Variants in TNIK observed in about 807,000 individuals in gnomAD.
The protein encoded by TNIK is TRAF2 and NCK interacting kinase.
In TNIK, 49 loss-of-function variants were observed where a neutral mutation model predicts 191.3. The ratio of observed to expected loss-of-function variants is 0.26; its 90% CI spans 0.20 to 0.32. The LOEUF is 0.32. Among genes scored for constraint, TNIK ranks in the 10% least tolerant of loss-of-function variants. The pLI is 1.00. For missense variants in TNIK, 1,155 were observed against 1,702.3 expected, an observed-to-expected ratio of 0.68 and a Z score of 5.66; for synonymous variants, 594 against 600.9, an observed-to-expected ratio of 0.99 and a Z score of 0.17.
intron 1 of TNIK, among the ~76,000 whole-genome samples, chr3:171,410,623 C>T (rs7621252): frequency 0.14 from 21,659 of 151,648 alleles, 1,720 homozygotes; most frequent in South Asian, 0.3. Context: ...ACTAAAAATA[C>T]AAAAAATTGG....
chr3:171,223,608 A>C (rs1742621662), intron 3 of TNIK, among the ~76,000 whole-genome samples: 1 of 152,184 alleles, frequency 6.6e-6, no homozygotes, highest in Admixed American at 6.6e-5. Flanking sequence ...ACATTGAGCA[A>C]GATACTTAAA....
chr3:171,288,354 T>G (rs1454424543), intron 2 of TNIK, among the ~76,000 whole-genome samples: 1 of 150,716 alleles, frequency 6.6e-6, no homozygotes, highest in African/African-American at 2.4e-5. Context: ...TTGGGTGGAA[T>G]GATCAGTTGA....
At chr3:171,295,375 T>C (rs1354105268) in intron 2 of TNIK, among the ~76,000 whole-genome samples, 1 of 152,204 alleles carries the variant, frequency 6.6e-6, no homozygotes, top group African/African-American at 2.4e-5. Flanking sequence ...GATCCCATGG[T>C]CAGGCCCCTC....
chr3:171,391,923 T>C lies in TNIK; in HGVS notation c.58-22238A>G, dbSNP rs115497363. On this transcript the variant is annotated intron_variant, in intron 1 of 32. Transcript: ENST00000436636. ...TCTGTTTTCTGTCACAAGACACCTG[T>C]AGGACAATTTTTTTTGATGACCATA... Among the ~76,000 whole-genome samples, 628 of 152,258 alleles carry C rather than the reference T, an allele frequency of 4.1e-3. 5 individuals carry two copies. The highest frequency in any genetic ancestry group is 0.015 in the African/African-American group (605 of 41,564).
intron 2 of TNIK, among the ~76,000 whole-genome samples, chr3:171,235,254 C>T (rs1311142154): frequency 6.6e-6 from 1 of 152,172 alleles, no homozygotes; most frequent in Non-Finnish European, 1.5e-5. Context: ...GTTGGCCAGG[C>T]TGGTCTTGAA....
chr3:171,277,086 G>A (rs1749836888), intron 2 of TNIK, among the ~76,000 whole-genome samples: 1 of 152,128 alleles, frequency 6.6e-6, no homozygotes, highest in Non-Finnish European at 1.5e-5. Context: ...TTATTTCAGG[G>A]GTGGGTGACA....
At chr3:171,390,406 G>C (rs780942044) in intron 1 of TNIK, among the ~76,000 whole-genome samples, 1 of 152,170 alleles carries the variant, frequency 6.6e-6, no homozygotes, top group Non-Finnish European at 1.5e-5. Flanking sequence ...GCCTCTTTTT[G>C]TACCTCTGGT....
Position 171,338,772 on chromosome 3 carries a change from G to A in TNIK, c.123+30848C>T, listed in dbSNP as rs181615674. ...CTTGCCTTGGCCTCCCAAAGTGCCG[G>A]GATTACAGGTATCAACCACCATGCC... On this transcript the variant is annotated intron_variant, in intron 2 of 32. Coordinates refer to ENST00000436636, the MANE Select transcript of TNIK (RefSeq NM_015028.4). Among the ~76,000 whole-genome samples the A allele has an allele frequency of 8.6e-5, 13 of 151,958 alleles. No homozygotes were observed. In the East Asian group the frequency reaches 2.1e-3, roughly 25 times the overall value.
chr3:171,081,126 C>T (rs1012772337), intron 27 of TNIK, among the ~76,000 whole-genome samples: 16 of 152,026 alleles, frequency 1.1e-4, no homozygotes, highest in African/African-American at 3.1e-4. Context: ...GGTAGTATAG[C>T]AATCAGGACA....
intron 1 of TNIK, among the ~76,000 whole-genome samples, chr3:171,415,203 G>T (rs1722899399): frequency 6.6e-6 from 1 of 152,136 alleles, no homozygotes; most frequent in Non-Finnish European, 1.5e-5. Context: ...CCTCAGAGAG[G>T]TCCTCAAACC....
chr3:171,091,111 C>A (rs914636085), intron 23 of TNIK, among the ~76,000 whole-genome samples: 13 of 152,034 alleles, frequency 8.6e-5, no homozygotes, highest in Non-Finnish European at 1.0e-4. Context: ...TTGACTAGAC[C>A]ATGGGGTGCC....
intron 9 of TNIK, among the ~76,000 whole-genome samples, chr3:171,171,827 T>C (rs1243682496): frequency 6.6e-6 from 1 of 152,188 alleles, no homozygotes; most frequent in Non-Finnish European, 1.5e-5. Flanking sequence ...AGAGAATGGG[T>C]ATCCCAGTCT....
At chr3:171,075,607 TA>T (rs368452757) in intron 28 of TNIK, among the ~76,000 whole-genome samples, 6 of 152,222 alleles carry the variant, frequency 3.9e-5, no homozygotes, top group African/African-American at 1.4e-4. Flanking sequence ...CATTCCTTTT[TA>T]AAAAAACAAA....
rs116424137 is a variant in TNIK at position 171,458,029 on chromosome 3, G to T, written c.57+1978C>A. Among the ~76,000 whole-genome samples the T allele has an allele frequency of 8.5e-3, 1,294 of 152,258 alleles. 19 individuals carry two copies. Among genetic ancestry groups the T allele is most frequent in the African/African-American group, 0.029 (1,211 of 41,536 alleles). ...AAAAGCCCATAAGGGACAAGTCCCG[G>T]CCCAACTTAAAATCACATCAGACTG... On this transcript the variant is annotated intron_variant, in intron 1 of 32. Coordinates refer to ENST00000436636, the MANE Select transcript of TNIK (RefSeq NM_015028.4).
At chr3:171,344,408 G>T in intron 2 of TNIK, among the ~76,000 whole-genome samples, 1 of 152,092 alleles carries the variant, frequency 6.6e-6, no homozygotes, top group East Asian at 1.9e-4. Flanking sequence ...TGATAGTAGG[G>T]GTGATGGTAG....
At position 171,194,531 on chromosome 3, in the gene TNIK, G is replaced by A. The variant is rs373165625; in HGVS notation, c.411C>T (p.Ile137=). 1.5e-5 allele frequency: 25 copies of A among 1,613,640 alleles called. No individual in the cohort carries two copies. The highest frequency in any genetic ancestry group is 2.0e-5 in the Non-Finnish European group (24 of 1,179,740). ...GTCCCCACTCGTAACCTACCCGTAA[G>A]ATTTCCCTGCAGATGTATGCAATCC... ...EEWIAYICRE[I]LRGLSHLHQH... The change falls in exon 5 of 33, where the codon ATC becomes ATT. Residue 137 remains isoleucine, a synonymous_variant. Transcript: ENST00000436636.
At position 171,190,795 on chromosome 3, in the gene TNIK, G is replaced by A. The variant is rs1737971941; in HGVS notation, c.418-8C>T. The A allele has an allele frequency of 1.9e-6, 3 of 1,579,608 alleles. No individual in the cohort carries two copies. The highest frequency in any genetic ancestry group is 1.7e-4 in the Middle Eastern group (1 of 6,014). Reference sequence around the variant, plus strand: ...GTGCAGGTGACTCAGCCCCTGGAGTGATGGAGAGTTAAGAAGGGTTAATAG... The same window carrying A: ...GTGCAGGTGACTCAGCCCCTGGAGTAATGGAGAGTTAAGAAGGGTTAATAG... On this transcript the variant is annotated splice_region_variant and splice_polypyrimidine_tract_variant and intron_variant, in intron 5 of 32. Coordinates refer to ENST00000436636, the MANE Select transcript of TNIK (RefSeq NM_015028.4).
intron 1 of TNIK, among the ~76,000 whole-genome samples, chr3:171,457,123 A>T (rs998273858): frequency 1.3e-5 from 2 of 152,228 alleles, no homozygotes; most frequent in African/African-American, 4.8e-5. Flanking sequence ...CTAAAACTGG[A>T]TTCAAAGTAC....
At chr3:171,334,819 G>T (rs952978462) in intron 2 of TNIK, among the ~76,000 whole-genome samples, 5 of 151,858 alleles carry the variant, frequency 3.3e-5, no homozygotes, top group Non-Finnish European at 7.4e-5. Context: ...TGAAAGGAAG[G>T]TAGCTTGTAT....
Sources: allele counts gnomAD v4.1 joint callset (sites outside exome capture counted in the v4.1 genomes callset), GRCh38; gene constraint gnomAD v4.1.1; transcripts MANE v1.5; gene names NCBI Gene and HGNC (gene_info 2026-07-23, HGNC 2026-07-21).